Variants in CCDC171 observed in about 807,000 individuals in gnomAD.
The protein encoded by CCDC171 is coiled-coil domain-containing protein 171.
CCDC171 carries 177 observed loss-of-function variants against 168.2 expected under a neutral mutation model. That is an observed-to-expected ratio of 1.05 (90% confidence interval 0.93 to 1.19). The LOEUF is 1.19. Among genes scored for constraint, CCDC171 ranks in the 50% most tolerant of loss-of-function variants. The pLI is 0.00. For synonymous variants in CCDC171, 687 were observed against 540.8 expected, an observed-to-expected ratio of 1.27 and a Z score of -3.75; for missense variants, 1,991 against 1,539.0, an observed-to-expected ratio of 1.29 and a Z score of -4.91.
Position 15,959,026 on chromosome 9 carries a change from A to G in CCDC171, c.3754-12583A>G, listed in dbSNP as rs189406948. On this transcript the variant is annotated intron_variant, in intron 25 of 25. Transcript: ENST00000380701. ...AGCCTTCTTCACTCTCTGTGAGTTT[A>G]TGAGGATCAGGGTTGAAGTTTGAAA... 2.6e-5 allele frequency among the ~76,000 whole-genome samples: 4 copies of G among 152,238 alleles called. No homozygotes were observed. The East Asian group carries it at 5.8e-4, about 22-fold the overall frequency.
intron 1 of CCDC171, among the ~76,000 whole-genome samples, chr9:15,563,117 A>C (rs370871082): frequency 6.7e-6 from 1 of 150,188 alleles, no homozygotes; most frequent in African/African-American, 2.4e-5. Flanking sequence ...TTCTGTAACT[A>C]TGTGACTTTT....
At chr9:15,701,363 T>C (rs2051720883) in intron 11 of CCDC171, among the ~76,000 whole-genome samples, 1 of 152,216 alleles carries the variant, frequency 6.6e-6, no homozygotes, top group Non-Finnish European at 1.5e-5. Flanking sequence ...CTAGTAGTTT[T>C]GTAGTTTCAG....
At chr9:15,867,239 A>C (rs1354939012) in intron 23 of CCDC171, among the ~76,000 whole-genome samples, 5 of 152,068 alleles carry the variant, frequency 3.3e-5, no homozygotes, top group Non-Finnish European at 5.9e-5. Context: ...CTGTATAACC[A>C]AATCTTTAAA....
intron 11 of CCDC171, among the ~76,000 whole-genome samples, chr9:15,703,612 A>G (rs1187687517): frequency 6.6e-6 from 1 of 152,166 alleles, no homozygotes; most frequent in African/African-American, 2.4e-5. Flanking sequence ...GGTGAGTGAT[A>G]TTTCAATGTG....
intron 25 of CCDC171, among the ~76,000 whole-genome samples, chr9:15,954,653 G>GT (rs1829592630): frequency 6.9e-6 from 1 of 144,018 alleles, no homozygotes; most frequent in Admixed American, 7.4e-5. Context: ...CTGTGGTCCT[G>GT]TTTTCATGCT....
chr9:15,646,497 C>G (rs532525108), intron 7 of CCDC171, among the ~76,000 whole-genome samples: 4 of 152,144 alleles, frequency 2.6e-5, no homozygotes, highest in African/African-American at 9.7e-5. Flanking sequence ...GTGCTGTATT[C>G]AGGAGACCCA....
downstream of CCDC171, chr9:16,061,395 A>G (rs752266101): frequency 6.6e-6 from 1 of 152,162 alleles, no homozygotes; most frequent in South Asian, 2.1e-4. Flanking sequence ...CAAACACTCC[A>G]TTGAGTCTTA....
intron 21 of CCDC171, among the ~76,000 whole-genome samples, chr9:15,806,976 A>G (rs1013008921): frequency 3.8e-4 from 58 of 152,112 alleles, no homozygotes; most frequent in African/African-American, 1.4e-3. Flanking sequence ...CCAGTCTTCA[A>G]GTTCCAAGAT....
At chr9:15,632,246 C>G (rs866503467) in intron 7 of CCDC171, among the ~76,000 whole-genome samples, 1 of 146,130 alleles carries the variant, frequency 6.8e-6, no homozygotes, top group Non-Finnish European at 1.5e-5. Flanking sequence ...TGTTTGCAGA[C>G]AACATGATTG....
chr9:15,768,242 C>T (rs2056838826), intron 18 of CCDC171, among the ~76,000 whole-genome samples: 1 of 151,022 alleles, frequency 6.6e-6, no homozygotes, highest in African/African-American at 2.4e-5. Context: ...TACCCATTTT[C>T]TTAGGCCCAA....
upstream of CCDC171, among the ~76,000 whole-genome samples, chr9:16,039,660 C>T (rs1382131276): frequency 1.3e-5 from 2 of 152,200 alleles, no homozygotes; most frequent in African/African-American, 2.4e-5. Flanking sequence ...CTCATTCTTA[C>T]ATCTGCGTCC....
chr9:16,099,551 G>A, the CCDC171 span, among the ~76,000 whole-genome samples: 72 of 152,302 alleles, frequency 4.7e-4, no homozygotes, highest in African/African-American at 1.7e-3. Context: ...TAAGAAAAAT[G>A]CCATGAGCTT....
chr9:15,896,899 C>T (rs114931774), intron 24 of CCDC171, among the ~76,000 whole-genome samples: 1,752 of 151,920 alleles, frequency 0.012, 36 homozygotes, highest in African/African-American at 0.04. Flanking sequence ...TTATAAATAA[C>T]GAAGGGAGAG....
intron 18 of CCDC171, among the ~76,000 whole-genome samples, chr9:15,754,199 C>G (rs923406464): frequency 2.0e-5 from 3 of 152,056 alleles, no homozygotes; most frequent in Non-Finnish European, 2.9e-5. Flanking sequence ...ATATGAATAA[C>G]CTAAACAGGT....
intron 21 of CCDC171, among the ~76,000 whole-genome samples, chr9:15,832,032 A>G (rs2060255264): frequency 6.6e-6 from 1 of 152,034 alleles, no homozygotes; most frequent in Non-Finnish European, 1.5e-5. Flanking sequence ...TTGTTTTGGT[A>G]AAGAAGTACT....
Position 16,053,702 on chromosome 9 carries a change from G to T in CCDC171, n.90-6944G>T, listed in dbSNP as rs1310320437. ...GAAGGCTGAATCACCAAAGGCTGCAGTGTGGGGCCGGAGAAAGCTCCTGAT... is the reference window on the plus strand; with the variant it reads ...GAAGGCTGAATCACCAAAGGCTGCATTGTGGGGCCGGAGAAAGCTCCTGAT... On this transcript the variant is annotated intron_variant and non_coding_transcript_variant, in intron 1 of 1. Coordinates refer to the CCDC171 transcript ENST00000478913. 2.0e-5 allele frequency among the ~76,000 whole-genome samples: 3 copies of T among 152,232 alleles called. No individual in the cohort carries two copies. In the East Asian group the frequency reaches 5.8e-4, roughly 29 times the overall value.
At chr9:16,069,540 A>T in the CCDC171 span, among the ~76,000 whole-genome samples, 1 of 152,224 alleles carries the variant, frequency 6.6e-6, no homozygotes, top group Non-Finnish European at 1.5e-5. Context: ...GTTTTGATGA[A>T]ATATTGGCTA....
intron 3 of CCDC171, among the ~76,000 whole-genome samples, chr9:15,986,379 A>G (rs754935742): frequency 2.6e-5 from 4 of 152,186 alleles, no homozygotes; most frequent in Non-Finnish European, 4.4e-5. Context: ...CACCTTCAGA[A>G]AGGCTGTCTT....
intron 25 of CCDC171, among the ~76,000 whole-genome samples, chr9:15,957,336 C>G (rs1829900856): frequency 6.6e-6 from 1 of 152,136 alleles, no homozygotes; most frequent in South Asian, 2.1e-4. Context: ...TCAGCGAAAG[C>G]CAGTCAAGTG....
Sources: gnomAD v4.1 joint callset for allele counts (sites outside exome capture counted in the v4.1 genomes callset) on GRCh38, gnomAD v4.1.1 for gene constraint, MANE v1.5 for transcripts, NCBI Gene and HGNC (gene_info 2026-07-23, HGNC 2026-07-21) for gene names.